The following FAM13A variants were observed in gnomAD, a reference collection of about 807,000 sequenced individuals.
The protein encoded by FAM13A is protein FAM13A.
A neutral mutation model predicts 129.6 loss-of-function variants in FAM13A; 76 were observed. The observed-to-expected ratio is 0.59, with a 90% CI of 0.49 to 0.71. FAM13A has a LOEUF of 0.71. Ranked by LOEUF, FAM13A falls within the 30% of genes least tolerant of loss-of-function variation. FAM13A has a pLI of 0.00. For missense variants in FAM13A, 1,108 were observed against 1,249.3 expected, an observed-to-expected ratio of 0.89 and a Z score of 1.70; for synonymous variants, 443 against 449.9, an observed-to-expected ratio of 0.98 and a Z score of 0.20.
intron 4 of FAM13A, among the ~76,000 whole-genome samples, chr4:88,965,543 A>G (rs1041727980): frequency 2.0e-5 from 3 of 151,474 alleles, no homozygotes; most frequent in African/African-American, 7.3e-5. Context: ...AAAACAGGCA[A>G]AACTATCTTA....
At chr4:88,907,032 C>A (rs981096668) in intron 5 of FAM13A, among the ~76,000 whole-genome samples, 2 of 152,158 alleles carry the variant, frequency 1.3e-5, no homozygotes, top group Non-Finnish European at 2.9e-5. Context: ...GAACATTTGC[C>A]AAAATAATGG....
At chr4:88,906,158 C>T (rs898203461) in intron 6 of FAM13A, among the ~76,000 whole-genome samples, 31 of 152,048 alleles carry the variant, frequency 2.0e-4, no homozygotes, top group African/African-American at 6.3e-4. Flanking sequence ...CATGGTGGTG[C>T]GCACCTTTAG....
At chr4:88,981,939 C>T (rs113660160) in intron 4 of FAM13A, among the ~76,000 whole-genome samples, 4 of 152,160 alleles carry the variant, frequency 2.6e-5, no homozygotes, top group African/African-American at 9.7e-5. Context: ...AATTAAGATC[C>T]GAGTCTAGGG....
intron 6 of FAM13A, among the ~76,000 whole-genome samples, chr4:88,894,304 G>C (rs180746596): frequency 5.0e-3 from 756 of 152,176 alleles, no homozygotes; most frequent in Non-Finnish European, 8.7e-3. Context: ...GACAATCTAA[G>C]TATTGGGGAA....
chr4:88,963,299 CTTT>C (rs768059079), intron 4 of FAM13A, among the ~76,000 whole-genome samples: 6 of 138,294 alleles, frequency 4.3e-5, no homozygotes, highest in African/African-American at 7.9e-5. Context: ...CATTTAAAAT[CTTT>C]TTTTTTTTTT....
chr4:88,887,127 G>A (rs1025262976), intron 6 of FAM13A, among the ~76,000 whole-genome samples: 8 of 151,918 alleles, frequency 5.3e-5, no homozygotes, highest in Non-Finnish European at 1.0e-4. Context: ...ATGATACAAC[G>A]GACTTTCGGG....
chr4:88,961,274 C>G (rs1758555035), intron 4 of FAM13A, among the ~76,000 whole-genome samples: 1 of 147,248 alleles, frequency 6.8e-6, no homozygotes, highest in Non-Finnish European at 1.5e-5. Flanking sequence ...AACTCATTCA[C>G]TGAACAAATA....
At chr4:89,010,994 C>T (rs573588572) in intron 3 of FAM13A, among the ~76,000 whole-genome samples, 1 of 152,164 alleles carries the variant, frequency 6.6e-6, no homozygotes, top group East Asian at 1.9e-4. Flanking sequence ...ATTACAGGCA[C>T]CTGCCACCAC....
At chr4:89,044,805 T>C (rs1401092961) in intron 1 of FAM13A, among the ~76,000 whole-genome samples, 2 of 151,752 alleles carry the variant, frequency 1.3e-5, no homozygotes, top group East Asian at 1.9e-4. Context: ...TTATGCAAAG[T>C]GAATAAACCA....
chr4:88,848,625 A>G (rs531985035), intron 7 of FAM13A, among the ~76,000 whole-genome samples: 5 of 152,272 alleles, frequency 3.3e-5, no homozygotes, highest in African/African-American at 9.6e-5. Flanking sequence ...GAATTGCTCC[A>G]AAGGCCTGCT....
intron 8 of FAM13A, among the ~76,000 whole-genome samples, chr4:88,794,692 T>C (rs975542050): frequency 6.6e-6 from 1 of 151,880 alleles, no homozygotes; most frequent in Admixed American, 6.6e-5. Flanking sequence ...TCTAACAAAA[T>C]TATCAGTTTC....
chr4:88,828,044 C>T (rs1733311622), intron 7 of FAM13A, among the ~76,000 whole-genome samples: 1 of 152,204 alleles, frequency 6.6e-6, no homozygotes, highest in Non-Finnish European at 1.5e-5. Context: ...TTTGCTCATG[C>T]TGTTCCCTCT....
intron 3 of FAM13A, among the ~76,000 whole-genome samples, chr4:89,001,676 C>T (rs1313880279): frequency 6.6e-6 from 1 of 152,056 alleles, no homozygotes; most frequent in Non-Finnish European, 1.5e-5. Flanking sequence ...TCATGTGGTA[C>T]TGTAAAATTT....
intron 5 of FAM13A, among the ~76,000 whole-genome samples, chr4:88,910,081 T>C (rs1175062788): frequency 6.6e-6 from 1 of 152,198 alleles, no homozygotes; most frequent in Non-Finnish European, 1.5e-5. Flanking sequence ...GAAAATTTAT[T>C]CAACAAATAT....
At chr4:88,761,738 T>C (rs1744853245) in intron 13 of FAM13A, among the ~76,000 whole-genome samples, 1 of 149,904 alleles carries the variant, frequency 6.7e-6, no homozygotes, top group Non-Finnish European at 1.5e-5. Flanking sequence ...AAGTATTATA[T>C]ACTTATATAT....
chr4:89,009,746 G>A (rs956858346), intron 3 of FAM13A, among the ~76,000 whole-genome samples: 1 of 152,206 alleles, frequency 6.6e-6, no homozygotes, highest in African/African-American at 2.4e-5. Flanking sequence ...TCAAGAGGAA[G>A]AAGAGACAGG....
intron 4 of FAM13A, among the ~76,000 whole-genome samples, chr4:88,964,445 G>T (rs1462449990): frequency 6.6e-6 from 1 of 151,864 alleles, no homozygotes; most frequent in African/African-American, 2.4e-5. Context: ...TATTAGGAAA[G>T]ACCTCCTAGA....
chr4:88,912,881 T>C (rs1749310378), intron 5 of FAM13A, among the ~76,000 whole-genome samples: 1 of 152,068 alleles, frequency 6.6e-6, no homozygotes, highest in Non-Finnish European at 1.5e-5. Flanking sequence ...CTCAGGAGGC[T>C]GAGGCAGGAG....
intron 7 of FAM13A, among the ~76,000 whole-genome samples, chr4:88,812,440 C>T (rs1337858354): frequency 6.6e-6 from 1 of 152,178 alleles, no homozygotes; most frequent in Non-Finnish European, 1.5e-5. Context: ...AAATCTGGCA[C>T]ATGAAGTCCC....
Sources: gnomAD v4.1 joint callset for allele counts (sites outside exome capture counted in the v4.1 genomes callset) on GRCh38, gnomAD v4.1.1 for gene constraint, MANE v1.5 for transcripts, NCBI Gene and HGNC (gene_info 2026-07-23, HGNC 2026-07-21) for gene names.